ELFN2: variants seen among roughly 807,000 people sequenced by gnomAD.
ELFN2 encodes protein phosphatase 1 regulatory subunit 29.
Under a neutral mutation model 45.5 loss-of-function variants are expected in ELFN2, and 17 were observed. The observed-to-expected ratio is 0.37, with a 90% confidence interval of 0.26 to 0.56. The LOEUF (loss-of-function observed/expected upper bound fraction) is 0.56, where lower values mean the gene tolerates loss of function less well. ELFN2 is among the 20% of genes least tolerant of loss of function. The probability of loss-of-function intolerance (pLI) is 0.77; values close to 1 mark genes in which losing one functional copy is unlikely to be tolerated. For missense variants in ELFN2, 922 were observed against 1,183.2 expected (o/e 0.78, Z 3.24); for synonymous variants, 550 against 551.5 (o/e 1.00, Z 0.04).
At chr22:37,365,035 G>A (rs1205393434), downstream of ELFN2, among the ~76,000 whole-genome samples, 3 of 152,326 alleles carry the variant, frequency 2.0e-5, no homozygotes, top group East Asian at 5.8e-4. Flanking sequence ...AGGACAGGCT[G>A]CCCAGGCTGA....
At chr22:37,424,953 C>G (rs991211636) in intron 1 of ELFN2, among the ~76,000 whole-genome samples, 9 of 152,122 alleles carry the variant, frequency 5.9e-5, no homozygotes, top group African/African-American at 2.2e-4. Flanking sequence ...ACCCGCCCCC[C>G]ACAAGGCCCA....
intron 2 of ELFN2, among the ~76,000 whole-genome samples, chr22:37,396,125 A>T (rs1303039751): frequency 1.3e-5 from 2 of 152,206 alleles, no homozygotes; most frequent in Non-Finnish European, 2.9e-5. Flanking sequence ...AAACACAAAG[A>T]CAAGCCAGGA....
At chr22:37,406,069 G>A (rs1932493546) in intron 2 of ELFN2, among the ~76,000 whole-genome samples, 1 of 152,122 alleles carries the variant, frequency 6.6e-6, no homozygotes, top group African/African-American at 2.4e-5. Flanking sequence ...TTGAGCCTAG[G>A]AGGTTGAGGC....
intron 1 of ELFN2, among the ~76,000 whole-genome samples, chr22:37,355,367 G>A (rs997055827): frequency 3.2e-4 from 49 of 152,156 alleles, no homozygotes; most frequent in Admixed American, 1.2e-3. Flanking sequence ...GGCCACCTGC[G>A]GGCCCTCCCT....
chr22:37,343,063 G>A (rs1314447673), intron 1 of ELFN2, among the ~76,000 whole-genome samples: 1 of 152,176 alleles, frequency 6.6e-6, no homozygotes, highest in Admixed American at 6.5e-5. Context: ...ATGGCAGATG[G>A]TCTGGTCCCA....
chr22:37,355,818 C>T (rs528410325), intron 1 of ELFN2, among the ~76,000 whole-genome samples: 1 of 152,326 alleles, frequency 6.6e-6, no homozygotes, highest in South Asian at 2.1e-4. Context: ...TATCCACAGC[C>T]ATGAAACCCA....
chr22:37,380,898 T>C (rs1931741622), intron 2 of ELFN2, among the ~76,000 whole-genome samples: 1 of 152,112 alleles, frequency 6.6e-6, no homozygotes, highest in Admixed American at 6.5e-5. Flanking sequence ...GTCATGGAGC[T>C]CCCTGGGCCT....
chr22:37,348,200 A>T (rs142322852), intron 1 of ELFN2, among the ~76,000 whole-genome samples: 1 of 152,288 alleles, frequency 6.6e-6, no homozygotes, highest in Non-Finnish European at 1.5e-5. Context: ...CTCATGTATG[A>T]GGCATTTGGC....
Position 37,374,827 on chromosome 22 carries a change from G to A in ELFN2, c.708C>T (p.Asn236=), listed in dbSNP as rs149957183. The part of the protein sequence containing the change: ...LLVPRPYHSL[N]AITVLQAKCR... Reference sequence around the variant, plus strand: ...ACTTGGCCTGGAGTACGGTGATGGCGTTGAGGCTGTGGTAGGGCCGGGGCA... The same window carrying A: ...ACTTGGCCTGGAGTACGGTGATGGCATTGAGGCTGTGGTAGGGCCGGGGCA... Residue 236 remains asparagine (N), a synonymous_variant, in exon 3 of 3, where the codon AAC becomes AAT. Transcript: ENST00000402918. 81 of 1,607,094 alleles carry A rather than the reference G, an allele frequency of 5.0e-5. No individual in the cohort carries two copies. The Admixed American group carries it at 8.0e-4, about 16-fold the overall frequency.
chr22:37,367,087 C>A (rs1931222537), downstream of ELFN2, among the ~76,000 whole-genome samples: 1 of 152,238 alleles, frequency 6.6e-6, no homozygotes, highest in African/African-American at 2.4e-5. Context: ...CAGAATACCC[C>A]ATAGCAATCC....
chr22:37,390,111 C>T lies in ELFN2; in HGVS notation c.-462-14115G>A, dbSNP rs1411662047. On this transcript the variant is annotated intron_variant, in intron 2 of 2. Transcript: ENST00000402918. Reference sequence around the variant, plus strand: ...GGTAAGTCACACTGCGGCAGGGCCTCACTGGCCTCATCTGTCAAATGGAGA... The same window carrying T: ...GGTAAGTCACACTGCGGCAGGGCCTTACTGGCCTCATCTGTCAAATGGAGA... 2.0e-5 allele frequency among the ~76,000 whole-genome samples: 3 copies of T among 152,226 alleles called. No homozygotes were observed. The East Asian group carries it at 5.8e-4, about 29-fold the overall frequency.
intron 2 of ELFN2, among the ~76,000 whole-genome samples, chr22:37,397,351 T>C (rs1348690644): frequency 6.6e-6 from 1 of 152,182 alleles, no homozygotes; most frequent in Non-Finnish European, 1.5e-5. Flanking sequence ...CCCCCAGGCA[T>C]GTAATTCCCA....
chr22:37,396,169 C>T (rs553631845), intron 2 of ELFN2, among the ~76,000 whole-genome samples: 6 of 152,350 alleles, frequency 3.9e-5, no homozygotes, highest in African/African-American at 1.2e-4. Context: ...AGAGACTTTG[C>T]TATTTAAAGA....
At position 37,373,252 on chromosome 22, in the gene ELFN2, G is replaced by A. The variant is rs150497338; in HGVS notation, c.2283C>T (p.Tyr761=). The change falls in exon 3 of 3, where the codon TAC becomes TAT. Residue 761 remains tyrosine, a synonymous_variant. Coordinates refer to ENST00000402918, the MANE Select transcript of ELFN2 (RefSeq NM_052906.5). ...AGATCTTGTGCGTGCTCTCGGATGA[G>A]TACTCGGGGCTGGAGGAGTACCCTG... ...YYSGYSSSPE[Y]SSESTHKIWE... is the part of the protein sequence containing the mutation. 6.6e-5 allele frequency: 107 copies of A among 1,613,916 alleles called. No homozygotes were observed. In the African/African-American group the frequency reaches 1.3e-3, roughly 19 times the overall value.
chr22:37,367,250 T>C (rs754164956), downstream of ELFN2, among the ~76,000 whole-genome samples: 9 of 152,198 alleles, frequency 5.9e-5, no homozygotes, highest in Non-Finnish European at 1.2e-4. Context: ...CTTGGGCGGT[T>C]CAGCCTGCAG....
At chr22:37,387,403 C>T (rs779718903) in intron 2 of ELFN2, among the ~76,000 whole-genome samples, 1 of 152,098 alleles carries the variant, frequency 6.6e-6, no homozygotes, top group Non-Finnish European at 1.5e-5. Context: ...CTTCTCTCTC[C>T]CTCACTTCAG....
chr22:37,384,449 C>T (rs1271860011), intron 2 of ELFN2, among the ~76,000 whole-genome samples: 1 of 151,756 alleles, frequency 6.6e-6, no homozygotes, highest in African/African-American at 2.4e-5. Flanking sequence ...GCCTTTACCT[C>T]TCCTCCCCTG....
intron 2 of ELFN2, among the ~76,000 whole-genome samples, chr22:37,341,898 A>G (rs775552459): frequency 6.6e-6 from 1 of 152,188 alleles, no homozygotes; most frequent in African/African-American, 2.4e-5. Flanking sequence ...CCCCACAGGC[A>G]GGTCGCTACC....
rs1166186929 is a variant in ELFN2 at position 37,345,545 on chromosome 22, G to A, written n.149-2842C>T. Among the ~76,000 whole-genome samples the A allele has an allele frequency of 2.4e-5, 3 of 124,850 alleles. No homozygotes were observed. In the East Asian group the frequency reaches 6.8e-4, roughly 28 times the overall value. 81.9% of individuals were successfully genotyped at this position (124,850 alleles called of 152,430 possible). ...CTCCTTGTTTTTTGTTTTTGTTGTT[G>A]TCTTTTTTTTTTTTTTTTTTGAGAC... On this transcript the variant is annotated intron_variant and non_coding_transcript_variant, in intron 1 of 2. Transcript: ENST00000452946.
Sources: gnomAD v4.1 joint callset for allele counts (sites outside exome capture counted in the v4.1 genomes callset) on GRCh38, gnomAD v4.1.1 for gene constraint, MANE v1.5 for transcripts, NCBI Gene and HGNC (gene_info 2026-07-23, HGNC 2026-07-21) for gene names.